Variants in NFKB1 observed in about 807,000 individuals in gnomAD.
NFKB1 encodes nuclear factor NF-kappa-B p105 subunit.
A neutral mutation model predicts 105.1 loss-of-function variants in NFKB1; 9 were observed. The observed-to-expected ratio is 0.09, with a 90% CI of 0.05 to 0.15. NFKB1 has a LOEUF of 0.15. Ranked by LOEUF, NFKB1 falls within the 10% of genes least tolerant of loss-of-function variation. The pLI is 1.00. For missense variants in NFKB1, 830 were observed against 1,203.7 expected (o/e 0.69, Z 4.59); for synonymous variants, 440 against 442.2 (o/e 1.00, Z 0.06).
intron 19 of NFKB1, 101 bp downstream of exon 19, chr4:102,607,852 AC>A: frequency 1.0e-6 from 1 of 976,018 alleles, no homozygotes; most frequent in East Asian, 2.4e-5. Flanking sequence ...CCACAGACCT[AC>A]TGCTGAAAAA....
At chr4:102,592,350 C>T (rs962222922) in intron 11 of NFKB1, among the ~76,000 whole-genome samples, 1 of 152,152 alleles carries the variant, frequency 6.6e-6, no homozygotes, top group Non-Finnish European at 1.5e-5. Context: ...ATAGAGAAAT[C>T]TTTTGTGAAA....
rs535135199 is a variant in NFKB1 at position 102,509,936 on chromosome 4, C to T, written c.-8+8148C>T. Among the ~76,000 whole-genome samples the T allele has an allele frequency of 5.9e-5, 9 of 152,310 alleles. No homozygotes were observed. In the East Asian group the frequency reaches 9.6e-4, roughly 16 times the overall value. On this transcript the variant is annotated intron_variant, in intron 1 of 23. Coordinates refer to ENST00000226574, the MANE Select transcript of NFKB1 (RefSeq NM_003998.4). Reference sequence around the variant, plus strand: ...CTGCAGTGAATCCCAGTTGTCTTCACAAGCTGATTCTCGCACACCTCACCC... The same window carrying T: ...CTGCAGTGAATCCCAGTTGTCTTCATAAGCTGATTCTCGCACACCTCACCC...
At chr4:102,608,325 G>C (rs1728018174) in intron 19 of NFKB1, among the ~76,000 whole-genome samples, 1 of 152,126 alleles carries the variant, frequency 6.6e-6, no homozygotes, top group African/African-American at 2.4e-5. Context: ...CACCCCTTGT[G>C]ACAAATACCA....
At chr4:102,562,128 C>CT (rs1723488488) in intron 5 of NFKB1, among the ~76,000 whole-genome samples, 1 of 152,100 alleles carries the variant, frequency 6.6e-6, no homozygotes, top group Non-Finnish European at 1.5e-5. Context: ...GAGTAGGACT[C>CT]TGAGCACAGA....
intron 20 of NFKB1, among the ~76,000 whole-genome samples, chr4:102,610,961 A>G (rs1487821142): frequency 6.6e-6 from 1 of 152,224 alleles, no homozygotes; most frequent in Admixed American, 6.5e-5. Flanking sequence ...AAAACACAAA[A>G]TTCACATAAA....
intron 5 of NFKB1, among the ~76,000 whole-genome samples, chr4:102,563,493 G>A (rs746228163): frequency 9.2e-5 from 14 of 151,998 alleles, no homozygotes; most frequent in Non-Finnish European, 1.9e-4. Context: ...TTCTCTAGGT[G>A]GAAGAGTACT....
chr4:102,516,666 C>CCATA (rs1237848247), intron 1 of NFKB1, among the ~76,000 whole-genome samples: 1 of 151,984 alleles, frequency 6.6e-6, no homozygotes, highest in Non-Finnish European at 1.5e-5. Flanking sequence ...ACATTATTGA[C>CCATA]CATATGCTAT....
intron 22 of NFKB1, among the ~76,000 whole-genome samples, chr4:102,612,967 G>A (rs1240631287): frequency 6.6e-6 from 1 of 151,832 alleles, no homozygotes; most frequent in Non-Finnish European, 1.5e-5. Context: ...ATTGAGTCAT[G>A]TTCTGTGAGG....
chr4:102,552,739 C>A lies in NFKB1; in HGVS notation c.259-14248C>A, dbSNP rs117956999. Reference sequence around the variant, plus strand: ...ATACTTTGTGTTTAGTCAGTTTATACAGGCTGAACAACATAAAGTTAAGAC... The same window carrying A: ...ATACTTTGTGTTTAGTCAGTTTATAAAGGCTGAACAACATAAAGTTAAGAC... On this transcript the variant is annotated intron_variant, in intron 5 of 23. Coordinates refer to ENST00000226574, the MANE Select transcript of NFKB1 (RefSeq NM_003998.4). Among the ~76,000 whole-genome samples the A allele has an allele frequency of 7.3e-4, 111 of 152,242 alleles. 1 individual carries two copies. The East Asian group carries it at 0.019, about 26-fold the overall frequency.
chr4:102,615,480 C>G (rs959540094), intron 23 of NFKB1, among the ~76,000 whole-genome samples: 1 of 152,148 alleles, frequency 6.6e-6, no homozygotes, highest in Admixed American at 6.5e-5. Flanking sequence ...CAAGGGCAGA[C>G]GTCATTGTCC....
At chr4:102,557,685 G>C (rs1056961768) in intron 5 of NFKB1, among the ~76,000 whole-genome samples, 2 of 152,182 alleles carry the variant, frequency 1.3e-5, no homozygotes, top group Non-Finnish European at 2.9e-5. Context: ...TCTGAGTCTG[G>C]TGCCAAGACT....
At chr4:102,512,730 T>A (rs1423513964) in intron 1 of NFKB1, among the ~76,000 whole-genome samples, 1 of 152,202 alleles carries the variant, frequency 6.6e-6, no homozygotes, top group East Asian at 1.9e-4. Flanking sequence ...TGCAAATTAT[T>A]ATATTTGTGT....
intron 10 of NFKB1, among the ~76,000 whole-genome samples, chr4:102,583,644 G>A (rs1725485459): frequency 6.6e-6 from 1 of 152,162 alleles, no homozygotes; most frequent in Non-Finnish European, 1.5e-5. Context: ...TCTTCTAATT[G>A]AAGCTGATGT....
At chr4:102,536,864 T>C (rs1213577565) in intron 4 of NFKB1, among the ~76,000 whole-genome samples, 1 of 152,204 alleles carries the variant, frequency 6.6e-6, no homozygotes, top group Non-Finnish European at 1.5e-5. Flanking sequence ...AATCATCTGC[T>C]TAAGCGACTA....
At chr4:102,580,487 TGAGC>T in intron 8 of NFKB1, 44 bp from the exon 9 acceptor site, 1 of 1,525,804 alleles carries the variant, frequency 6.6e-7, no homozygotes, top group East Asian at 2.3e-5. Flanking sequence ...ACTGGCTTGT[TGAGC>T]TGAGGATTAA....
intron 16 of NFKB1, among the ~76,000 whole-genome samples, chr4:102,604,144 G>A (rs1418384189): frequency 6.6e-6 from 1 of 152,192 alleles, no homozygotes; most frequent in Non-Finnish European, 1.5e-5. Context: ...TAGCACAAAT[G>A]TCACTATTGT....
chr4:102,608,335 A>G (rs1347901489), intron 19 of NFKB1, among the ~76,000 whole-genome samples: 1 of 152,162 alleles, frequency 6.6e-6, no homozygotes, highest in Non-Finnish European at 1.5e-5. Flanking sequence ...GACAAATACC[A>G]TTATTCCCCA....
At chr4:102,518,721 C>A (rs1740367537) in intron 1 of NFKB1, among the ~76,000 whole-genome samples, 1 of 152,146 alleles carries the variant, frequency 6.6e-6, no homozygotes, top group Non-Finnish European at 1.5e-5. Flanking sequence ...TTGACTGGTA[C>A]TGTTTGTAGC....
intron 6 of NFKB1, among the ~76,000 whole-genome samples, chr4:102,576,222 C>T (rs1433787120): frequency 6.6e-6 from 1 of 152,122 alleles, no homozygotes; most frequent in African/African-American, 2.4e-5. Flanking sequence ...ATAATTCCAA[C>T]CTTATAGATA....
Sources: allele counts gnomAD v4.1 joint callset (sites outside exome capture counted in the v4.1 genomes callset), GRCh38; gene constraint gnomAD v4.1.1; transcripts MANE v1.5; gene names NCBI Gene and HGNC (gene_info 2026-07-23, HGNC 2026-07-21).